The following PAK1 variants were observed in gnomAD, a reference collection of about 807,000 sequenced individuals.
The protein encoded by PAK1 is p21 (RAC1) activated kinase 1, also known as serine/threonine-protein kinase PAK 1.
PAK1 carries 29 observed loss-of-function variants against 67.4 expected under a neutral mutation model. That is an observed-to-expected ratio of 0.43 (90% confidence interval 0.32 to 0.59). PAK1 has a LOEUF of 0.59. Ranked by LOEUF, PAK1 falls within the 20% of genes least tolerant of loss-of-function variation. PAK1 has a pLI of 0.07. For synonymous variants in PAK1, 223 were observed against 237.4 expected (o/e 0.94, Z 0.56); for missense variants, 337 against 670.7 (o/e 0.50, Z 5.50).
At chr11:77,492,681 C>T in the PAK1 span, among the ~76,000 whole-genome samples, 4 of 151,728 alleles carry the variant, frequency 2.6e-5, no homozygotes, top group Admixed American at 2.6e-4. Flanking sequence ...GTGTCTCTGC[C>T]CAAATCTCAT....
chr11:77,443,305 TAAAAAAA>T (rs11330130), intron 1 of PAK1, among the ~76,000 whole-genome samples: 1 of 126,934 alleles, frequency 7.9e-6, no homozygotes, highest in Non-Finnish European at 1.7e-5. Context: ...CTCCGTCTCT[TAAAAAAA>T]AAAAAAAAAA....
chr11:77,515,728 TC>T, the PAK1 span, among the ~76,000 whole-genome samples: 1 of 152,170 alleles, frequency 6.6e-6, no homozygotes. Flanking sequence ...ATAAATAACA[TC>T]CTTTTTTTAC....
chr11:77,489,017 G>T, the PAK1 span, among the ~76,000 whole-genome samples: 4 of 152,064 alleles, frequency 2.6e-5, no homozygotes, highest in African/African-American at 9.7e-5. Flanking sequence ...AACTCCCAAA[G>T]GTCAAGGATA....
chr11:77,332,595 G>A (rs1406813438), intron 14 of PAK1, 135 bp downstream of exon 14: 4 of 695,814 alleles, frequency 5.7e-6, no homozygotes, highest in Non-Finnish European at 9.9e-6. Context: ...AAGGGCAGTA[G>A]GAACAGAGTG....
At chr11:77,416,124 G>A (rs1473092926) in intron 1 of PAK1, among the ~76,000 whole-genome samples, 1 of 151,962 alleles carries the variant, frequency 6.6e-6, no homozygotes, top group Non-Finnish European at 1.5e-5. Flanking sequence ...AATTACAGGC[G>A]TGTGCCACCA....
intron 1 of PAK1, among the ~76,000 whole-genome samples, chr11:77,469,437 C>G (rs1320687716): frequency 6.6e-6 from 1 of 152,136 alleles, no homozygotes; most frequent in Admixed American, 6.5e-5. Flanking sequence ...AACTAACAAG[C>G]AAATTATACT....
chr11:77,461,844 A>C (rs1957360908), intron 1 of PAK1, among the ~76,000 whole-genome samples: 1 of 152,216 alleles, frequency 6.6e-6, no homozygotes, highest in Admixed American at 6.5e-5. Flanking sequence ...ATACTAATCC[A>C]AAAGAAAACT....
At chr11:77,379,072 A>G in intron 4 of PAK1, 169 bp downstream of exon 4, 1 of 613,176 alleles carries the variant, frequency 1.6e-6, no homozygotes, top group Non-Finnish European at 2.9e-6. Context: ...CTCAAGTTTG[A>G]TGCAAAGTCC....
rs546797144 is a variant in PAK1, at chr11:77,374,378, A to T, written c.440-13T>A. 319 of 1,579,324 alleles carry T rather than the reference A, an allele frequency of 2.0e-4. 1 individual carries two copies. The African/African-American group carries it at 3.8e-3, about 19-fold the overall frequency. ...TCAGCTGACTTATCTGCACAGGAAG[A>T]AAAACAAGGGACTTAGTCAATAACA... On this transcript the variant is annotated splice_polypyrimidine_tract_variant and intron_variant, in intron 4 of 14. Transcript: ENST00000356341.
chr11:77,513,761 CAG>C, the PAK1 span, among the ~76,000 whole-genome samples: 1 of 148,426 alleles, frequency 6.7e-6, no homozygotes, highest in African/African-American at 2.5e-5. Context: ...CTACCCAGAT[CAG>C]AGTCTTTGTG....
At chr11:77,468,579 T>A (rs1468371944) in intron 1 of PAK1, among the ~76,000 whole-genome samples, 2 of 152,152 alleles carry the variant, frequency 1.3e-5, no homozygotes, top group Non-Finnish European at 2.9e-5. Context: ...TCTGGCAGCT[T>A]CAGTAAAGAG....
the PAK1 span, among the ~76,000 whole-genome samples, chr11:77,521,131 C>T: frequency 3.9e-5 from 6 of 152,146 alleles, no homozygotes; most frequent in Non-Finnish European, 7.4e-5. Context: ...TAGTCATGCT[C>T]ACTTGTGCTG....
At chr11:77,340,031 C>T (rs912328818) in intron 11 of PAK1, among the ~76,000 whole-genome samples, 1 of 152,200 alleles carries the variant, frequency 6.6e-6, no homozygotes, top group Non-Finnish European at 1.5e-5. Flanking sequence ...CTTCCTCCTA[C>T]ATCAGCGTAT....
At chr11:77,334,953 A>T (rs777282267) in intron 13 of PAK1, among the ~76,000 whole-genome samples, 2 of 152,160 alleles carry the variant, frequency 1.3e-5, no homozygotes, top group Admixed American at 6.5e-5. Context: ...GAACCTCTAC[A>T]TTGGCAAATC....
At chr11:77,508,417 C>T in the PAK1 span, among the ~76,000 whole-genome samples, 1 of 152,100 alleles carries the variant, frequency 6.6e-6, no homozygotes, top group Non-Finnish European at 1.5e-5. Context: ...TGTTGGTAAA[C>T]CTGTCCTGTG....
chr11:77,497,308 T>A, the PAK1 span, among the ~76,000 whole-genome samples: 1 of 152,198 alleles, frequency 6.6e-6, no homozygotes, highest in East Asian at 1.9e-4. Context: ...ACAATTCACA[T>A]CTGAAATAAT....
chr11:77,387,569 G>A (rs1365920855), intron 2 of PAK1, among the ~76,000 whole-genome samples: 1 of 152,170 alleles, frequency 6.6e-6, no homozygotes, highest in Non-Finnish European at 1.5e-5. Flanking sequence ...CTAAAAATGA[G>A]TTGTTGTAGG....
chr11:77,481,351 G>A, the PAK1 span, among the ~76,000 whole-genome samples: 1 of 151,992 alleles, frequency 6.6e-6, no homozygotes, highest in African/African-American at 2.4e-5. Context: ...CTGTTGTTAG[G>A]CCTGTGATTT....
chr11:77,488,387 A>G, the PAK1 span, among the ~76,000 whole-genome samples: 3 of 152,208 alleles, frequency 2.0e-5, no homozygotes, highest in Admixed American at 6.5e-5. Context: ...CCAGACACCA[A>G]TGGACATCCA....
Sources: gnomAD v4.1 joint callset for allele counts (sites outside exome capture counted in the v4.1 genomes callset) on GRCh38, gnomAD v4.1.1 for gene constraint, MANE v1.5 for transcripts, NCBI Gene and HGNC (gene_info 2026-07-23, HGNC 2026-07-21) for gene names.